CCDC82: variants seen among roughly 807,000 people sequenced by gnomAD.
CCDC82 encodes the protein coiled-coil domain containing 82.
CCDC82 carries 47 observed loss-of-function variants against 60.6 expected under a neutral mutation model. The ratio of observed to expected loss-of-function variants is 0.77; its 90% CI spans 0.61 to 0.99. CCDC82 has a LOEUF of 0.99. Among genes scored for constraint, CCDC82 ranks in the 50% least tolerant of loss-of-function variants. The pLI is 0.00. For missense variants in CCDC82, 588 were observed against 633.0 expected, an observed-to-expected ratio of 0.93 and a Z score of 0.76; for synonymous variants, 212 against 207.4, an observed-to-expected ratio of 1.02 and a Z score of -0.19.
At chr11:96,367,820 CTTTTT>C (rs777554159) in intron 7 of CCDC82, among the ~76,000 whole-genome samples, 2 of 122,734 alleles carry the variant, frequency 1.6e-5, no homozygotes, top group Admixed American at 1.8e-4. Flanking sequence ...AAATGTATTT[CTTTTT>C]TTTTTTTTTT....
In CCDC82 at chr11:96,384,356, C is replaced by T. The variant is rs143022124; in HGVS notation, c.392G>A (p.Ser131Asn). 3,297 of 1,607,232 alleles carry T rather than the reference C, an allele frequency of 2.1e-3. 63 individuals carry two copies. The highest frequency in any genetic ancestry group is 0.019 in the South Asian group (1,656 of 89,070). ...IDLQDQEKHLSQEDNDLNKQT... is the reference protein window; with the variant it reads ...IDLQDQEKHLNQEDNDLNKQT... ...TTTGTTGAGATCATTATCCTCTTGA[C>T]TTAAATGTTTTTCCTGATCTTGTAA... The change falls in exon 4 of 10, where the codon AGT becomes AAT. Residue 131 changes from serine to asparagine, a missense_variant. Ser to Asn is a conservative substitution (Grantham distance 46). Transcript: ENST00000646818.
rs1865979636 is a variant in CCDC82 at position 96,383,330 on chromosome 11, TTTA to T, written c.927_929del (p.Asn309del). 6.2e-7 allele frequency: 1 copy of T among 1,608,470 alleles called. No individual in the cohort carries two copies. The highest frequency in any genetic ancestry group is 8.5e-7 in the Non-Finnish European group (1 of 1,176,406). The stretch of plus-strand genomic sequence containing the variant: ...TAGTCAATTTTTCTCCTTGTTGGTT[TTTA>T]TTCTCTTCATCACCCTCCTCATCTT... On this transcript the variant is annotated inframe_deletion, in exon 5 of 10. Coordinates refer to ENST00000646818, the MANE Select transcript of CCDC82 (RefSeq NM_024725.4).
rs562765941 is a variant in CCDC82 at position 96,353,428 on chromosome 11, CTT to C, written c.*216_*217del. On this transcript the variant is annotated 3_prime_UTR_variant, in exon 10 of 10. Transcript: ENST00000646818. ...TATAACTTTAAAATATATTTACAGACTTAAAAATTAAGATAATGCTTTTATGT... is the reference window on the plus strand; with the variant it reads ...TATAACTTTAAAATATATTTACAGACAAAAATTAAGATAATGCTTTTATGT... 3.3e-4 allele frequency: 148 copies of C among 455,084 alleles called. No individual in the cohort carries two copies. Among genetic ancestry groups the C allele is most frequent in the African/African-American group, 2.9e-3 (144 of 49,864 alleles). The allele number at this position is 455,084 out of a possible 1,614,324, so 28.2% of individuals were successfully genotyped here. A position where few individuals can be genotyped will look rare whatever the true frequency, so the allele number is the denominator to read the frequency against.
intron 3 of CCDC82, chr11:96,385,523 A>G (rs1482342282): frequency 3.3e-5 from 5 of 152,324 alleles, no homozygotes; most frequent in Non-Finnish European, 5.9e-5. Context: ...AGCAGTGAAA[A>G]ATTGAGAGAT....
intron 5 of CCDC82, among the ~76,000 whole-genome samples, chr11:96,375,514 A>T (rs967929225): frequency 6.6e-6 from 1 of 152,174 alleles, no homozygotes; most frequent in Non-Finnish European, 1.5e-5. Context: ...TTGAAAAATA[A>T]TATTACTGAG....
Position 96,353,585 on chromosome 11 carries a change from A to C in CCDC82, c.*61T>G. 8.1e-7 allele frequency: 1 copy of C among 1,228,360 alleles called. No individual in the cohort carries two copies. Among genetic ancestry groups the C allele is most frequent in the Non-Finnish European group, 1.2e-6 (1 of 836,086 alleles). 76.1% of individuals were successfully genotyped at this position (1,228,360 alleles called of 1,614,324 possible). A position where few individuals can be genotyped will look rare whatever the true frequency, so the allele number is the denominator to read the frequency against. ...ACAAACATGTCACATGATACAGAAA[A>C]ACAAGAATCATGATCTTCACATTTA... On this transcript the variant is annotated 3_prime_UTR_variant, in exon 10 of 10. Coordinates refer to ENST00000646818, the MANE Select transcript of CCDC82 (RefSeq NM_024725.4).
At chr11:96,377,287 T>C (rs796147839) in intron 5 of CCDC82, among the ~76,000 whole-genome samples, 9 of 152,318 alleles carry the variant, frequency 5.9e-5, no homozygotes, top group African/African-American at 2.2e-4. Flanking sequence ...TTAAAGTATT[T>C]ATATCCCTTC....
At position 96,352,985 on chromosome 11, in the gene CCDC82, A is replaced by C. The variant is rs978489679; in HGVS notation, c.*661T>G. On this transcript the variant is annotated 3_prime_UTR_variant, in exon 10 of 10. Coordinates refer to ENST00000646818, the MANE Select transcript of CCDC82 (RefSeq NM_024725.4). ...TCAATATATAGACAAAATTGAATAGAAAAAAGTAAGAACATTATAAAGCAT... is the reference window on the plus strand; with the variant it reads ...TCAATATATAGACAAAATTGAATAGCAAAAAGTAAGAACATTATAAAGCAT... 2 of 152,220 alleles carry C rather than the reference A, an allele frequency of 1.3e-5. No homozygotes were observed. The highest frequency in any genetic ancestry group is 4.8e-5 in the African/African-American group (2 of 41,468). The allele number at this position is 152,220 out of a possible 1,614,324, so 9.4% of individuals were successfully genotyped here.
intron 3 of CCDC82, 113 bp from the exon 4 acceptor site, chr11:96,384,874 A>C: frequency 1.7e-6 from 1 of 598,134 alleles, no homozygotes; most frequent in Non-Finnish European, 2.8e-6. Flanking sequence ...ACAAACACAA[A>C]ATCACATGAA....
chr11:96,388,334 T>TA (rs1242740657), intron 1 of CCDC82: 1 of 152,232 alleles, frequency 6.6e-6, no homozygotes, highest in Non-Finnish European at 1.5e-5. Context: ...AATATACACT[T>TA]AATTTCCTGA....
chr11:96,389,117 C>T (rs558763121), intron 1 of CCDC82: 1 of 152,262 alleles, frequency 6.6e-6, no homozygotes, highest in Admixed American at 6.5e-5. Context: ...CAAGACAGAA[C>T]ATGACAGAAA....
At chr11:96,354,576 C>T (rs1329263045) in intron 9 of CCDC82, 1 of 152,022 alleles carries the variant, frequency 6.6e-6, no homozygotes, top group African/African-American at 2.4e-5. Flanking sequence ...AGTTATGGGT[C>T]TGTGATAACA....
chr11:96,375,727 C>G, intron 5 of CCDC82, among the ~76,000 whole-genome samples: 1 of 152,164 alleles, frequency 6.6e-6, no homozygotes. Flanking sequence ...ATTTCATGTT[C>G]CTATCCCCTA....
rs1336967298 is a variant in CCDC82, at chr11:96,358,347, T to A, written c.1566+646A>T. The A allele has an allele frequency of 3.9e-5, 47 of 1,213,140 alleles. 1 individual carries two copies. The highest frequency in any genetic ancestry group is 4.5e-5 in the Non-Finnish European group (44 of 976,784). The allele number at this position is 1,213,140 out of a possible 1,614,324, so 75.1% of individuals were successfully genotyped here. On this transcript the variant is annotated intron_variant, in intron 9 of 9. Coordinates refer to ENST00000646818, the MANE Select transcript of CCDC82 (RefSeq NM_024725.4). ...AGCTCTGTGAGCAGACCAGAGCTTGTAAGCTGCCAGCAGATCTTCGGGAAT... is the reference window on the plus strand; with the variant it reads ...AGCTCTGTGAGCAGACCAGAGCTTGAAAGCTGCCAGCAGATCTTCGGGAAT...
chr11:96,375,991 AAT>A (rs1865549931), intron 5 of CCDC82, among the ~76,000 whole-genome samples: 1 of 152,218 alleles, frequency 6.6e-6, no homozygotes, highest in Admixed American at 6.5e-5. Flanking sequence ...ATGTCCCAGG[AAT>A]ATTGTTTTAA....
chr11:96,363,412 A>T (rs1864774794), intron 8 of CCDC82: 2 of 152,216 alleles, frequency 1.3e-5, no homozygotes, highest in South Asian at 4.1e-4. Context: ...CTGAAAAAAC[A>T]ATTTCTCTTT....
At chr11:96,356,597 T>C (rs1450598853) in intron 9 of CCDC82, 10 of 981,720 alleles carry the variant, frequency 1.0e-5, no homozygotes, top group Non-Finnish European at 1.2e-5. Flanking sequence ...GCCAGTGTCA[T>C]ATTAGAGTAT....
chr11:96,353,853 C>A, intron 9 of CCDC82, 139 bp from the exon 10 acceptor site: 1 of 580,210 alleles, frequency 1.7e-6, no homozygotes, highest in Non-Finnish European at 3.0e-6. Context: ...TAAACAGGAA[C>A]TTAATTTCAA....
At chr11:96,355,764 C>A (rs1345052318) in intron 9 of CCDC82, 1 of 152,062 alleles carries the variant, frequency 6.6e-6, no homozygotes, top group Non-Finnish European at 1.5e-5. Context: ...ACTCTGCCAT[C>A]CTCTCTACCT....
Sources: gnomAD v4.1 joint callset for allele counts (sites outside exome capture counted in the v4.1 genomes callset) on GRCh38, gnomAD v4.1.1 for gene constraint, MANE v1.5 for transcripts, NCBI Gene and HGNC (gene_info 2026-07-23, HGNC 2026-07-21) for gene names.